The following ARHGAP10 variants were observed in gnomAD, a reference collection of about 807,000 sequenced individuals.
ARHGAP10 encodes Rho GTPase activating protein 10.
A neutral mutation model predicts 108.6 loss-of-function variants in ARHGAP10; 87 were observed. The ratio of observed to expected loss-of-function variants is 0.80; its 90% confidence interval spans 0.67 to 0.96. The LOEUF (loss-of-function observed/expected upper bound fraction) is 0.96, where lower values mean the gene tolerates loss of function less well. Among genes scored for constraint, ARHGAP10 ranks in the 40% least tolerant of loss-of-function variants. ARHGAP10 has a pLI of 0.00. For synonymous variants in ARHGAP10, 347 were observed against 341.1 expected (o/e 1.02, Z -0.19); for missense variants, 939 against 954.5 (o/e 0.98, Z 0.21).
chr4:147,793,130 ACT>A (rs1223423007), intron 1 of ARHGAP10, among the ~76,000 whole-genome samples: 2 of 151,620 alleles, frequency 1.3e-5, no homozygotes, highest in Admixed American at 6.6e-5. Context: ...ACAGAGTGAG[ACT>A]CTCTGGAAAA....
chr4:147,739,563 T>A, intron 1 of ARHGAP10, among the ~76,000 whole-genome samples: 1 of 152,156 alleles, frequency 6.6e-6, no homozygotes, highest in East Asian at 1.9e-4. Context: ...TTTGCTATGG[T>A]AAATTCACAA....
chr4:147,838,486 C>A (rs1733264178), intron 3 of ARHGAP10, among the ~76,000 whole-genome samples: 1 of 148,674 alleles, frequency 6.7e-6, no homozygotes, highest in African/African-American at 2.4e-5. Context: ...AAAAAAAACA[C>A]ACACACACAC....
intron 1 of ARHGAP10, among the ~76,000 whole-genome samples, chr4:147,735,858 T>G (rs1450693793): frequency 6.6e-6 from 1 of 152,244 alleles, no homozygotes; most frequent in Non-Finnish European, 1.5e-5. Context: ...AACCAGTGTC[T>G]TCTTTAAATG....
chr4:147,882,653 A>G (rs921371641), intron 10 of ARHGAP10, among the ~76,000 whole-genome samples: 3 of 152,112 alleles, frequency 2.0e-5, no homozygotes, highest in Non-Finnish European at 4.4e-5. Context: ...TACGTGATGG[A>G]GGGTCTTAGG....
At chr4:147,764,360 G>T (rs1579014645) in intron 1 of ARHGAP10, among the ~76,000 whole-genome samples, 2 of 151,988 alleles carry the variant, frequency 1.3e-5, no homozygotes, top group Middle Eastern at 6.8e-3. Context: ...AGAGAGGTGG[G>T]TCAGTAAACA....
At chr4:148,042,417 G>A (rs182549845) in intron 19 of ARHGAP10, among the ~76,000 whole-genome samples, 1 of 152,226 alleles carries the variant, frequency 6.6e-6, no homozygotes. Context: ...CCTGCTTTCT[G>A]CATTTGACCC....
At chr4:147,944,475 T>G (rs2126967839) in intron 14 of ARHGAP10, among the ~76,000 whole-genome samples, 1 of 152,372 alleles carries the variant, frequency 6.6e-6, no homozygotes, top group East Asian at 1.9e-4. Context: ...ACTTCCTGTT[T>G]TACTTTATCT....
chr4:147,975,923 T>C (rs1407460221), intron 18 of ARHGAP10, among the ~76,000 whole-genome samples: 1 of 152,202 alleles, frequency 6.6e-6, no homozygotes, highest in Admixed American at 6.5e-5. Flanking sequence ...TGCATCTACC[T>C]CTCTTTGCCA....
At chr4:147,801,148 A>G (rs1731564879) in intron 1 of ARHGAP10, among the ~76,000 whole-genome samples, 3 of 152,224 alleles carry the variant, frequency 2.0e-5, no homozygotes, top group Non-Finnish European at 4.4e-5. Context: ...GCAATGAAAA[A>G]TGTCAGCAAA....
At position 147,877,566 on chromosome 4, in the gene ARHGAP10, TA is replaced by T. The variant is rs567085716; in HGVS notation, c.833-1662del. On this transcript the variant is annotated intron_variant, in intron 8 of 22. Transcript: ENST00000336498. The stretch of plus-strand genomic sequence containing the variant: ...TGATAACAGATGTTAATTGCTTTTT[TA>T]AAAGTGTCTTGACTCAGTAAAGTAA... 3.9e-5 allele frequency among the ~76,000 whole-genome samples: 6 copies of T among 152,370 alleles called. No individual in the cohort carries two copies. In the South Asian group the frequency reaches 1.2e-3, roughly 32 times the overall value.
intron 10 of ARHGAP10, among the ~76,000 whole-genome samples, chr4:147,886,482 C>G (rs902937199): frequency 6.6e-6 from 1 of 152,178 alleles, no homozygotes; most frequent in Non-Finnish European, 1.5e-5. Context: ...CCCTTAGATT[C>G]CCCAGTTAAG....
chr4:147,989,075 A>C (rs1007179427), intron 18 of ARHGAP10, among the ~76,000 whole-genome samples: 4 of 152,250 alleles, frequency 2.6e-5, no homozygotes, highest in Non-Finnish European at 5.9e-5. Context: ...ACAGAGTACA[A>C]AAGAGAGAAA....
At chr4:147,982,493 T>C (rs1371334349) in intron 18 of ARHGAP10, among the ~76,000 whole-genome samples, 4 of 149,962 alleles carry the variant, frequency 2.7e-5, no homozygotes, top group African/African-American at 9.8e-5. Flanking sequence ...CCATGTCAGC[T>C]TCCTAAGACT....
intron 3 of ARHGAP10, among the ~76,000 whole-genome samples, chr4:147,834,076 G>T (rs1366315658): frequency 6.6e-6 from 1 of 152,226 alleles, no homozygotes; most frequent in African/African-American, 2.4e-5. Flanking sequence ...GTTTCTTACA[G>T]TTATGGAGGC....
intron 1 of ARHGAP10, among the ~76,000 whole-genome samples, chr4:147,806,570 G>C (rs1350409243): frequency 1.3e-5 from 2 of 152,004 alleles, no homozygotes; most frequent in Non-Finnish European, 2.9e-5. Context: ...GGAGTTTGCT[G>C]CTTTCATCAA....
intron 11 of ARHGAP10, among the ~76,000 whole-genome samples, chr4:147,907,623 T>C (rs1736550835): frequency 6.6e-6 from 1 of 152,088 alleles, no homozygotes; most frequent in African/African-American, 2.4e-5. Flanking sequence ...AGAGAGCGCA[T>C]TGGTGAGTGT....
In ARHGAP10 at chr4:147,932,048, C is replaced by G. The variant is rs1737715673; in HGVS notation, c.1229-7777C>G. ...CAAGACAAGACATACATGTGACCAA[C>G]AAACATATGAAAAAAAAGTTCAACA... On this transcript the variant is annotated intron_variant, in intron 13 of 22. Coordinates refer to ENST00000336498, the MANE Select transcript of ARHGAP10 (RefSeq NM_024605.4). Among the ~76,000 whole-genome samples the G allele has an allele frequency of 1.3e-5, 2 of 151,948 alleles. 1 individual carries two copies. The highest frequency in any genetic ancestry group is 4.1e-4 in the South Asian group (2 of 4,832).
chr4:147,738,076 A>G (rs1728492550), intron 1 of ARHGAP10, among the ~76,000 whole-genome samples: 1 of 151,368 alleles, frequency 6.6e-6, no homozygotes, highest in Non-Finnish European at 1.5e-5. Flanking sequence ...TAAAGAATAC[A>G]GAGAGGAGGG....
intron 12 of ARHGAP10, among the ~76,000 whole-genome samples, chr4:147,911,648 C>T (rs879731844): frequency 6.6e-6 from 1 of 152,096 alleles, no homozygotes; most frequent in Non-Finnish European, 1.5e-5. Flanking sequence ...AGGCGTGAGC[C>T]ACCGCGCCTG....
Sources: allele counts gnomAD v4.1 joint callset (sites outside exome capture counted in the v4.1 genomes callset), GRCh38; gene constraint gnomAD v4.1.1; transcripts MANE v1.5; gene names NCBI Gene and HGNC (gene_info 2026-07-23, HGNC 2026-07-21).